The following ZNF536 variants were observed in gnomAD, a reference collection of about 807,000 sequenced individuals.
ZNF536 encodes zinc finger protein 536.
In ZNF536, 13 loss-of-function variants were observed where a neutral mutation model predicts 84.5. The observed-to-expected ratio is 0.15, with a 90% confidence interval of 0.10 to 0.24. The LOEUF is 0.24. Ranked by LOEUF, ZNF536 falls within the 10% of genes least tolerant of loss-of-function variation. The pLI is 1.00. For synonymous variants in ZNF536, 811 were observed against 742.5 expected, an observed-to-expected ratio of 1.09 and a Z score of -1.50; for missense variants, 1,536 against 1,747.5, an observed-to-expected ratio of 0.88 and a Z score of 2.16.
At chr19:30,429,171 A>T (rs1600693717) in intron 1 of ZNF536, among the ~76,000 whole-genome samples, 2 of 152,090 alleles carry the variant, frequency 1.3e-5, no homozygotes, top group South Asian at 4.1e-4. Flanking sequence ...GCTAGCTGGG[A>T]GAGGAGGTCA....
intron 3 of ZNF536, among the ~76,000 whole-genome samples, chr19:30,544,806 A>C (rs1234524203): frequency 6.6e-6 from 1 of 152,188 alleles, no homozygotes; most frequent in African/African-American, 2.4e-5. Flanking sequence ...TTTACTCCTA[A>C]ACGAGCTTAG....
chr19:30,674,658 T>A (rs147369987), intron 1 of ZNF536, among the ~76,000 whole-genome samples: 3 of 152,316 alleles, frequency 2.0e-5, no homozygotes, highest in Non-Finnish European at 4.4e-5. Context: ...GGTAAATTGC[T>A]GCCCATCGTG....
chr19:30,672,898 G>A (rs1318332824), intron 1 of ZNF536, among the ~76,000 whole-genome samples: 1 of 152,162 alleles, frequency 6.6e-6, no homozygotes, highest in Admixed American at 6.5e-5. Context: ...GAACTATGTG[G>A]ACAACCTCAA....
chr19:30,682,436 C>T (rs1481157160), intron 1 of ZNF536, among the ~76,000 whole-genome samples: 1 of 152,194 alleles, frequency 6.6e-6, no homozygotes, highest in Non-Finnish European at 1.5e-5. Context: ...CACACACGCA[C>T]ACAAATGCAC....
At chr19:30,441,102 C>A (rs944375314) in intron 1 of ZNF536, among the ~76,000 whole-genome samples, 2 of 152,188 alleles carry the variant, frequency 1.3e-5, no homozygotes, top group African/African-American at 4.8e-5. Flanking sequence ...TGCAGTCTCG[C>A]CGCATTGCAC....
intron 1 of ZNF536, among the ~76,000 whole-genome samples, chr19:30,237,338 G>A (rs2144777883): frequency 6.6e-6 from 1 of 152,250 alleles, no homozygotes; most frequent in South Asian, 2.1e-4. Flanking sequence ...CTCACTTCTG[G>A]TAGAGGTTGG....
intron 1 of ZNF536, among the ~76,000 whole-genome samples, chr19:30,233,242 G>A (rs938265749): frequency 7.9e-5 from 12 of 152,202 alleles, no homozygotes; most frequent in African/African-American, 2.9e-4. Context: ...CCCATCCCTG[G>A]CCCCTGACTG....
intron 3 of ZNF536, among the ~76,000 whole-genome samples, chr19:30,361,381 C>CT (rs1293675806): frequency 1.3e-5 from 2 of 149,960 alleles, no homozygotes; most frequent in African/African-American, 4.9e-5. Flanking sequence ...TTTAAGCCTT[C>CT]TTTTTTTCAC....
intron 2 of ZNF536, among the ~76,000 whole-genome samples, chr19:30,467,749 C>T (rs902562858): frequency 6.6e-6 from 1 of 152,200 alleles, no homozygotes; most frequent in African/African-American, 2.4e-5. Flanking sequence ...GGCCAAGATA[C>T]TGAGCATTTC....
chr19:30,457,041 C>CAAA (rs11405582), intron 2 of ZNF536, among the ~76,000 whole-genome samples: 25 of 117,800 alleles, frequency 2.1e-4, no homozygotes, highest in Non-Finnish European at 2.9e-4. Context: ...GACTTCATCT[C>CAAA]AAAAAAAAAA....
chr19:30,414,619 C>T (rs2050635382), intron 1 of ZNF536, among the ~76,000 whole-genome samples: 1 of 152,174 alleles, frequency 6.6e-6, no homozygotes, highest in African/African-American at 2.4e-5. Context: ...AAGACAAAGC[C>T]TTATCTGTCA....
At chr19:30,322,339 A>T (rs2046885109) in intron 2 of ZNF536, among the ~76,000 whole-genome samples, 1 of 152,168 alleles carries the variant, frequency 6.6e-6, no homozygotes, top group South Asian at 2.1e-4. Context: ...TTGTATGAAG[A>T]AGACAATTTT....
At chr19:30,573,140 T>C (rs1390022941) in intron 1 of ZNF536, among the ~76,000 whole-genome samples, 1 of 152,166 alleles carries the variant, frequency 6.6e-6, no homozygotes, top group East Asian at 1.9e-4. Context: ...CAGAGATCCC[T>C]GTGTAAGTGA....
At chr19:30,507,009 T>A (rs1327055002) in intron 2 of ZNF536, among the ~76,000 whole-genome samples, 1 of 152,228 alleles carries the variant, frequency 6.6e-6, no homozygotes, top group Non-Finnish European at 1.5e-5. Flanking sequence ...GTATACAAAT[T>A]GGTCTTGTGA....
chr19:30,476,082 G>A (rs138061055), intron 2 of ZNF536, among the ~76,000 whole-genome samples: 27 of 152,282 alleles, frequency 1.8e-4, no homozygotes, highest in Non-Finnish European at 3.5e-4. Flanking sequence ...GAACAAATGC[G>A]GCTGTTGGTT....
chr19:30,558,302 G>A (rs370044371), downstream of ZNF536, among the ~76,000 whole-genome samples: 2 of 152,276 alleles, frequency 1.3e-5, no homozygotes, highest in Non-Finnish European at 2.9e-5. Context: ...TGTGGGGGGT[G>A]GGGGAGAGCC....
intron 1 of ZNF536, among the ~76,000 whole-genome samples, chr19:30,256,745 C>T (rs2024936055): frequency 1.3e-5 from 2 of 152,120 alleles, no homozygotes; most frequent in South Asian, 4.2e-4. Flanking sequence ...ACTCTGTCTG[C>T]TTGGGTTCTT....
chr19:30,674,262 C>T (rs892304457), intron 1 of ZNF536, among the ~76,000 whole-genome samples: 13 of 152,318 alleles, frequency 8.5e-5, no homozygotes, highest in South Asian at 6.2e-4. Context: ...CTCTGTGTCC[C>T]GTAAGCAGAG....
chr19:30,629,774 C>T (rs1356322337), intron 1 of ZNF536, among the ~76,000 whole-genome samples: 1 of 152,228 alleles, frequency 6.6e-6, no homozygotes, highest in African/African-American at 2.4e-5. Flanking sequence ...GTTTGTCAAC[C>T]AGTGCATCCA....
Sources: allele counts gnomAD v4.1 joint callset (sites outside exome capture counted in the v4.1 genomes callset), GRCh38; gene constraint gnomAD v4.1.1; transcripts MANE v1.5; gene names NCBI Gene and HGNC (gene_info 2026-07-23, HGNC 2026-07-21).